Variants in PRKG1 observed in about 807,000 individuals in gnomAD.
The protein encoded by PRKG1 is cGMP-dependent protein kinase 1.
PRKG1 carries 35 observed loss-of-function variants against 88.1 expected under a neutral mutation model. The ratio of observed to expected loss-of-function variants is 0.40; its 90% CI spans 0.30 to 0.53. PRKG1 has a LOEUF of 0.53. Among genes scored for constraint, PRKG1 ranks in the 20% least tolerant of loss-of-function variants. PRKG1 has a pLI of 0.59. For missense variants in PRKG1, 540 were observed against 839.8 expected (o/e 0.64, Z 4.41); for synonymous variants, 303 against 292.5 (o/e 1.04, Z -0.37).
chr10:51,506,882 CAA>C (rs1047737241), intron 3 of PRKG1, among the ~76,000 whole-genome samples: 2 of 152,020 alleles, frequency 1.3e-5, no homozygotes, highest in African/African-American at 4.8e-5. Flanking sequence ...ATCACAATAG[CAA>C]AGACTTGGAA....
At chr10:52,001,432 T>G (rs953623970) in intron 5 of PRKG1, among the ~76,000 whole-genome samples, 1 of 151,942 alleles carries the variant, frequency 6.6e-6, no homozygotes, top group African/African-American at 2.4e-5. Flanking sequence ...CATTTTACAA[T>G]GTATATACCT....
chr10:51,722,177 C>T (rs1285268050), intron 3 of PRKG1, among the ~76,000 whole-genome samples: 6 of 151,312 alleles, frequency 4.0e-5, no homozygotes, highest in South Asian at 2.1e-4. Flanking sequence ...TGCAGTGAGC[C>T]GAGATCGTGC....
intron 3 of PRKG1, among the ~76,000 whole-genome samples, chr10:51,752,200 C>A (rs547457455): frequency 6.6e-6 from 1 of 152,268 alleles, no homozygotes; most frequent in East Asian, 1.9e-4. Flanking sequence ...CATAATATAA[C>A]CTCATTATGC....
intron 5 of PRKG1, among the ~76,000 whole-genome samples, chr10:52,014,998 T>C (rs990840177): frequency 6.6e-6 from 1 of 152,222 alleles, no homozygotes; most frequent in Non-Finnish European, 1.5e-5. Context: ...AGAGTGCCTG[T>C]GGCTTTTCCA....
At chr10:51,961,170 A>T (rs1843437778) in intron 5 of PRKG1, among the ~76,000 whole-genome samples, 1 of 152,188 alleles carries the variant, frequency 6.6e-6, no homozygotes, top group Non-Finnish European at 1.5e-5. Flanking sequence ...TACCAAATAC[A>T]GTTGTCTTGA....
intron 4 of PRKG1, among the ~76,000 whole-genome samples, chr10:51,836,156 C>T (rs1279439297): frequency 6.6e-6 from 1 of 152,090 alleles, no homozygotes; most frequent in Admixed American, 6.6e-5. Flanking sequence ...ATCAAAATAG[C>T]ATGGCACTGG....
intron 3 of PRKG1, among the ~76,000 whole-genome samples, chr10:51,712,664 A>T (rs1330565700): frequency 7.7e-6 from 1 of 129,520 alleles, no homozygotes; most frequent in Non-Finnish European, 1.5e-5. Context: ...GTCTCGGCTC[A>T]CTGCAATCTC....
chr10:51,198,081 A>G (rs1192724835), intron 2 of PRKG1, among the ~76,000 whole-genome samples: 1 of 152,140 alleles, frequency 6.6e-6, no homozygotes, highest in African/African-American at 2.4e-5. Context: ...TTTATGAAAC[A>G]TATGATTCCC....
At chr10:51,916,370 G>A (rs1029311740) in intron 5 of PRKG1, among the ~76,000 whole-genome samples, 1 of 152,170 alleles carries the variant, frequency 6.6e-6, no homozygotes, top group East Asian at 1.9e-4. Context: ...AAATGCCACG[G>A]CAACATCAGG....
At chr10:51,871,936 A>C (rs948295635) in intron 4 of PRKG1, among the ~76,000 whole-genome samples, 2 of 152,116 alleles carry the variant, frequency 1.3e-5, no homozygotes, top group African/African-American at 4.8e-5. Flanking sequence ...TATCACAACA[A>C]GTAGAGGGAG....
At chr10:51,213,082 T>C (rs974104721) in intron 2 of PRKG1, among the ~76,000 whole-genome samples, 1 of 152,118 alleles carries the variant, frequency 6.6e-6, no homozygotes, top group African/African-American at 2.4e-5. Context: ...CCAACAGTGA[T>C]AGACTGGATT....
chr10:52,278,269 C>T (rs559431818), intron 12 of PRKG1, among the ~76,000 whole-genome samples: 1 of 152,246 alleles, frequency 6.6e-6, no homozygotes, highest in Non-Finnish European at 1.5e-5. Flanking sequence ...AATTAGATAC[C>T]ATCTCATGCC....
At chr10:52,150,457 A>G (rs1837881905) in intron 8 of PRKG1, among the ~76,000 whole-genome samples, 1 of 152,070 alleles carries the variant, frequency 6.6e-6, no homozygotes, top group African/African-American at 2.4e-5. Context: ...TCCATGTAAA[A>G]TAGTTTGTAC....
chr10:51,440,109 G>A (rs1839057593), intron 2 of PRKG1, among the ~76,000 whole-genome samples: 1 of 151,908 alleles, frequency 6.6e-6, no homozygotes, highest in Admixed American at 6.6e-5. Context: ...CTTAGTTACT[G>A]AGTCAGGACA....
chr10:51,814,490 G>A (rs1017610210), intron 4 of PRKG1, among the ~76,000 whole-genome samples: 3 of 152,080 alleles, frequency 2.0e-5, no homozygotes, highest in African/African-American at 4.8e-5. Context: ...GAGCTCTTAA[G>A]CTTTGAGCTT....
chr10:52,281,160 T>A (rs969811108), intron 13 of PRKG1, among the ~76,000 whole-genome samples: 1 of 152,178 alleles, frequency 6.6e-6, no homozygotes, highest in Non-Finnish European at 1.5e-5. Context: ...CAAAAGATGC[T>A]TTTATAAGCA....
intron 7 of PRKG1, among the ~76,000 whole-genome samples, chr10:52,069,638 A>G (rs11000690): frequency 6.6e-6 from 1 of 152,104 alleles, no homozygotes; most frequent in Admixed American, 6.6e-5. Flanking sequence ...ATTTATTTAT[A>G]TAGAAGTAAA....
intron 5 of PRKG1, among the ~76,000 whole-genome samples, chr10:52,009,060 C>T (rs1844813285): frequency 6.6e-6 from 1 of 152,118 alleles, no homozygotes; most frequent in Admixed American, 6.5e-5. Context: ...GACAATCTCA[C>T]AGCCAACATT....
chr10:52,006,921 G>C (rs971990144), intron 5 of PRKG1, among the ~76,000 whole-genome samples: 16 of 152,072 alleles, frequency 1.1e-4, no homozygotes, highest in African/African-American at 3.4e-4. Context: ...GGCTAACAGT[G>C]CACTTTTAAG....
Sources: gnomAD v4.1 joint callset for allele counts (sites outside exome capture counted in the v4.1 genomes callset) on GRCh38, gnomAD v4.1.1 for gene constraint, MANE v1.5 for transcripts, NCBI Gene and HGNC (gene_info 2026-07-23, HGNC 2026-07-21) for gene names.